Variants in MYO5B observed in about 807,000 individuals in gnomAD.
The protein encoded by MYO5B is unconventional myosin-Vb.
A neutral mutation model predicts 229.3 loss-of-function variants in MYO5B; 143 were observed. The ratio of observed to expected loss-of-function variants is 0.62; its 90% confidence interval spans 0.54 to 0.72. The LOEUF is 0.72. Ranked by LOEUF, MYO5B falls within the 30% of genes least tolerant of loss-of-function variation. The pLI, the probability that MYO5B is intolerant of heterozygous loss-of-function variation, is 0.00. For synonymous variants in MYO5B, 918 were observed against 885.2 expected (o/e 1.04, Z -0.66); for missense variants, 2,321 against 2,331.0 (o/e 1.00, Z 0.09).
chr18:50,124,340 T>C (rs767925707), intron 1 of MYO5B, among the ~76,000 whole-genome samples: 4 of 152,210 alleles, frequency 2.6e-5, no homozygotes, highest in Non-Finnish European at 4.4e-5. Flanking sequence ...GTGGCTTATT[T>C]GGTTGAATAG....
At chr18:49,957,682 C>CA (rs72450719) in intron 12 of MYO5B, among the ~76,000 whole-genome samples, 3,732 of 120,836 alleles carry the variant, frequency 0.031, 151 homozygotes, top group African/African-American at 0.088. Context: ...CAAAAAAAGC[C>CA]AAAAAAAAAA....
At chr18:49,974,790 C>CACACAG (rs1555648475) in intron 9 of MYO5B, among the ~76,000 whole-genome samples, 175 bp from the exon 10 acceptor site, 24 of 142,400 alleles carry the variant, frequency 1.7e-4, no homozygotes, top group African/African-American at 5.6e-4. Context: ...CACACACACA[C>CACACAG]ACACACAGAC....
intron 17 of MYO5B, among the ~76,000 whole-genome samples, chr18:49,915,035 C>T (rs1793183515): frequency 6.6e-6 from 1 of 152,102 alleles, no homozygotes; most frequent in South Asian, 2.1e-4. Flanking sequence ...TGCTCCTTTG[C>T]AAACGCTTTT....
Position 50,187,516 on chromosome 18 carries a change from T to TG in MYO5B, c.27+7250dup, listed in dbSNP as rs1485607134. ...CAAAATTATTGAGAAATGCTTTTTT[T>TG]GGGGGGGTGGGCGGTGGGCAGACAG... On this transcript the variant is annotated intron_variant, in intron 1 of 39. Coordinates refer to ENST00000285039, the MANE Select transcript of MYO5B (RefSeq NM_001080467.3). Among the ~76,000 whole-genome samples the TG allele has an allele frequency of 6.7e-5, 10 of 149,860 alleles. No individual in the cohort carries two copies. In the East Asian group the frequency reaches 1.4e-3, roughly 21 times the overall value.
intron 27 of MYO5B, among the ~76,000 whole-genome samples, chr18:49,869,211 G>A (rs1208524459): frequency 6.6e-6 from 1 of 152,182 alleles, no homozygotes; most frequent in Non-Finnish European, 1.5e-5. Flanking sequence ...GATGTGCACA[G>A]CGGGAGCTCA....
intron 23 of MYO5B, among the ~76,000 whole-genome samples, chr18:49,879,937 CAAT>C (rs2024568167): frequency 6.6e-6 from 1 of 152,326 alleles, no homozygotes; most frequent in East Asian, 1.9e-4. Context: ...TGAAACCCAG[CAAT>C]GACGACAGCT....
Position 50,159,153 on chromosome 18 carries a change from G to A in MYO5B, c.27+35614C>T, listed in dbSNP as rs115458170. Among the ~76,000 whole-genome samples, 600 of 152,264 alleles carry A rather than the reference G, an allele frequency of 3.9e-3. 3 individuals are homozygous for A. Among genetic ancestry groups the A allele is most frequent in the African/African-American group, 0.013 (531 of 41,548 alleles). On this transcript the variant is annotated intron_variant, in intron 1 of 39. Coordinates refer to ENST00000285039, the MANE Select transcript of MYO5B (RefSeq NM_001080467.3). The stretch of plus-strand genomic sequence containing the variant: ...TCTGAAAATAAACAGACCTAGTTGA[G>A]AAGGTGCACAGCCAGCCTCAAAGGT...
At chr18:49,911,626 T>A (rs150491922) in intron 18 of MYO5B, among the ~76,000 whole-genome samples, 2 of 152,232 alleles carry the variant, frequency 1.3e-5, no homozygotes, top group Non-Finnish European at 2.9e-5. Context: ...CTAATCTTAC[T>A]GAATAAATGC....
intron 31 of MYO5B, among the ~76,000 whole-genome samples, chr18:49,853,139 A>G (rs1013808937): frequency 1.3e-5 from 2 of 152,204 alleles, no homozygotes; most frequent in East Asian, 3.9e-4. Context: ...AGTCTTGAGG[A>G]GTCTCGCTGT....
At chr18:50,178,527 A>T (rs768794250) in intron 1 of MYO5B, among the ~76,000 whole-genome samples, 14 of 152,254 alleles carry the variant, frequency 9.2e-5, no homozygotes, top group Non-Finnish European at 1.8e-4. Flanking sequence ...CACAAAAAGC[A>T]TAAGGCAAGA....
chr18:50,185,105 A>T (rs866515638), intron 1 of MYO5B, among the ~76,000 whole-genome samples: 1 of 151,970 alleles, frequency 6.6e-6, no homozygotes, highest in Non-Finnish European at 1.5e-5. Flanking sequence ...TAGAGTAGTC[A>T]TTTAAATGAG....
Position 50,024,470 on chromosome 18 carries a change from G to A in MYO5B, c.455+12380C>T, listed in dbSNP as rs575777457. Among the ~76,000 whole-genome samples the A allele has an allele frequency of 2.0e-5, 3 of 152,320 alleles. No individual in the cohort carries two copies. The East Asian group carries it at 5.8e-4, about 29-fold the overall frequency. On this transcript the variant is annotated intron_variant, in intron 4 of 39. Transcript: ENST00000285039. Reference sequence around the variant, plus strand: ...TATTCTTGGTACTTGCTCTTGTAGAGAAGGTTTAATGCCCTTTTTAACCAA... The same window carrying A: ...TATTCTTGGTACTTGCTCTTGTAGAAAAGGTTTAATGCCCTTTTTAACCAA...
At chr18:49,968,023 G>A (rs8089939) in intron 10 of MYO5B, among the ~76,000 whole-genome samples, 128,941 of 152,094 alleles carry the variant, frequency 0.85, 55,306 homozygotes, top group East Asian at 0.94. Flanking sequence ...AACATCCACT[G>A]TATGGCGATC....
chr18:49,939,156 T>C (rs1234726542), intron 14 of MYO5B, among the ~76,000 whole-genome samples: 1 of 149,020 alleles, frequency 6.7e-6, no homozygotes, highest in African/African-American at 2.5e-5. Flanking sequence ...TTCTTTTTTT[T>C]TTTTTTTTTT....
At chr18:50,117,597 T>G (rs2031985595) in intron 1 of MYO5B, among the ~76,000 whole-genome samples, 1 of 152,012 alleles carries the variant, frequency 6.6e-6, no homozygotes, top group South Asian at 2.1e-4. Context: ...ACCTACTTGT[T>G]CCTTAAATGC....
In MYO5B at chr18:49,954,331, G is replaced by A. The variant is rs756229418; in HGVS notation, c.1650C>T (p.Ile550=). 2.8e-5 allele frequency: 45 copies of A among 1,613,888 alleles called. No homozygotes were observed. The East Asian group carries it at 2.9e-4, about 10-fold the overall frequency. The change falls in exon 13 of 40, where the codon ATC becomes ATT. Residue 550 remains isoleucine (I), a synonymous_variant. Transcript: ENST00000285039. ...GAGCCACCTTGTCTGCAAAGTGGAC[G>A]ATGATGAAGGCCGTGTTGGACATGC... ...KPRMSNTAFI[I]VHFADKVEYL...
intron 9 of MYO5B, among the ~76,000 whole-genome samples, chr18:49,979,741 G>T (rs2025794126): frequency 6.6e-6 from 1 of 152,180 alleles, no homozygotes; most frequent in Non-Finnish European, 1.5e-5. Context: ...AGAATAAACA[G>T]TTGCAGATTC....
intron 4 of MYO5B, among the ~76,000 whole-genome samples, chr18:50,006,216 G>A (rs995359088): frequency 2.6e-5 from 4 of 152,134 alleles, no homozygotes; most frequent in Non-Finnish European, 5.9e-5. Context: ...TTTAGGGCTC[G>A]TTAAGGGGGA....
At chr18:50,059,388 G>A (rs1275239895) in intron 1 of MYO5B, among the ~76,000 whole-genome samples, 2 of 152,218 alleles carry the variant, frequency 1.3e-5, no homozygotes, top group South Asian at 2.1e-4. Flanking sequence ...AACTCCTAAG[G>A]AGAGTAACAT....
Sources: allele counts gnomAD v4.1 joint callset (sites outside exome capture counted in the v4.1 genomes callset), GRCh38; gene constraint gnomAD v4.1.1; transcripts MANE v1.5; gene names NCBI Gene and HGNC (gene_info 2026-07-23, HGNC 2026-07-21).